The following PRRT4 variants were observed in gnomAD, a reference collection of about 807,000 sequenced individuals.
PRRT4 encodes proline-rich transmembrane protein 4.
PRRT4 carries 59 observed loss-of-function variants against 55.6 expected under a neutral mutation model. That is an observed-to-expected ratio of 1.06 (90% CI 0.86 to 1.32). PRRT4 has a LOEUF of 1.32. Among genes scored for constraint, PRRT4 ranks in the 40% most tolerant of loss-of-function variants. PRRT4 has a pLI of 0.00. For synonymous variants in PRRT4, 606 were observed against 601.8 expected, an observed-to-expected ratio of 1.01 and a Z score of -0.10; for missense variants, 1,217 against 1,222.0, an observed-to-expected ratio of 1.00 and a Z score of 0.06.
exon 5 of PRRT4, chr7:128,351,427 G>A (rs1796963605): frequency 1.3e-6 from 2 of 1,528,244 alleles, no homozygotes; most frequent in Non-Finnish European, 1.8e-6. Flanking sequence ...GCAGGGAGAG[G>A]AAGCCGGGGA....
chr7:128,359,592 G>C (rs766801176), exon 2 of PRRT4: 1 of 1,512,740 alleles, frequency 6.6e-7, no homozygotes, highest in Admixed American at 2.2e-5. Context: ...CCAGAGCGCC[G>C]GGATGTGGAC....
At chr7:128,360,506 C>T (rs1013890823) in intron 1 of PRRT4, among the ~76,000 whole-genome samples, 5 of 152,230 alleles carry the variant, frequency 3.3e-5, no homozygotes, top group Non-Finnish European at 5.9e-5. Flanking sequence ...CCCCACCTCC[C>T]GCCCCAGCCA....
exon 2 of PRRT4, chr7:128,359,777 G>A: frequency 6.5e-7 from 1 of 1,543,098 alleles, no homozygotes; most frequent in South Asian, 1.2e-5. Context: ...CTGGGTCTCT[G>A]TGACTGGGCT....
rs1797012155 is a variant in PRRT4 at position 128,352,496 on chromosome 7, C to CT, written c.1059dup (p.Glu354ArgfsTer225). On this transcript the variant is annotated frameshift_variant, in exon 5 of 5. Coordinates refer to ENST00000535159, the Ensembl canonical transcript of PRRT4. LOFTEE classifies it high-confidence loss of function. ...GCCAGCCCCCAGCGAGCCCTGGCCT[C>CT]TGCCCAGTCGGCCTCCAGGGTCAGG... 1.3e-6 allele frequency: 2 copies of CT among 1,541,550 alleles called. No homozygotes were observed. The highest frequency in any genetic ancestry group is 1.7e-6 in the Non-Finnish European group (2 of 1,146,840).
At chr7:128,352,859 T>C (rs540677781) in intron 4 of PRRT4, among the ~76,000 whole-genome samples, 181 bp from the exon 6 acceptor site, 42 of 152,140 alleles carry the variant, frequency 2.8e-4, no homozygotes, top group African/African-American at 9.9e-4. Context: ...CCCTATTCAA[T>C]GTCTTCGCTG....
chr7:128,352,582 C>G (rs778769686), exon 5 of PRRT4: 1 of 1,544,144 alleles, frequency 6.5e-7, no homozygotes, highest in Non-Finnish European at 8.7e-7. Context: ...TTCTCCCACG[C>G]TGCAGGACCC....
At chr7:128,356,317 G>A (rs567440262) in intron 4 of PRRT4, among the ~76,000 whole-genome samples, 1 of 151,940 alleles carries the variant, frequency 6.6e-6, no homozygotes, top group Non-Finnish European at 1.5e-5. Context: ...CCAGATAATA[G>A]GCAAAGTACA....
At chr7:128,352,433 C>A in exon 5 of PRRT4, 1 of 1,537,478 alleles carries the variant, frequency 6.5e-7, no homozygotes, top group Non-Finnish European at 8.7e-7. Context: ...GCAACCAGGC[C>A]GAAGAGCGCG....
upstream of PRRT4, chr7:128,361,736 T>TCCTCCG (rs1440748004): frequency 1.3e-5 from 2 of 151,756 alleles, no homozygotes; most frequent in African/African-American, 4.9e-5. Context: ...CCCTCTCTCC[T>TCCTCCG]CCTCCTCCTC....
At position 128,351,564 on chromosome 7, in the gene PRRT4, C is replaced by T; in HGVS notation, c.1992G>A (p.Gly664=). 6 of 1,498,188 alleles carry T rather than the reference C, an allele frequency of 4.0e-6. 1 individual carries two copies. Among genetic ancestry groups the T allele is most frequent in the African/African-American group, 1.4e-5 (1 of 70,362 alleles). 92.8% of individuals were successfully genotyped at this position (1,498,188 alleles called of 1,614,324 possible). Reference sequence around the variant, plus strand: ...CCGCGTCCCCGCGAGCGATGGCGCTCCCCAGGGGCTCCTTGTCTGGGGGCC... The same window carrying T: ...CCGCGTCCCCGCGAGCGATGGCGCTTCCCAGGGGCTCCTTGTCTGGGGGCC... Residue 664 remains glycine, a synonymous_variant, in exon 5 of 5, where the codon GGG becomes GGA. Coordinates refer to ENST00000535159, the Ensembl canonical transcript of PRRT4.
intron 1 of PRRT4, 69 bp from the exon 3 acceptor site, chr7:128,360,132 C>G: frequency 1.6e-6 from 1 of 620,304 alleles, no homozygotes; most frequent in East Asian, 3.4e-5. Context: ...GATCGGATGT[C>G]CCAGAGAGAG....
exon 5 of PRRT4, chr7:128,351,695 A>G: frequency 1.3e-6 from 2 of 1,505,442 alleles, no homozygotes; most frequent in Non-Finnish European, 1.8e-6. Flanking sequence ...AGCGCCGGGT[A>G]GAGGCCCAGC....
At chr7:128,351,879 G>A in exon 5 of PRRT4, 2 of 1,328,322 alleles carry the variant, frequency 1.5e-6, no homozygotes, top group Non-Finnish European at 1.9e-6. Context: ...CCGGGGCCGT[G>A]CGCGCCGCGC....
At chr7:128,353,077 G>A (rs1797036899) in intron 4 of PRRT4, among the ~76,000 whole-genome samples, 2 of 151,958 alleles carry the variant, frequency 1.3e-5, no homozygotes, top group Admixed American at 1.3e-4. Flanking sequence ...GGGGATTTTT[G>A]TTTCTTTGCT....
intron 4 of PRRT4, among the ~76,000 whole-genome samples, chr7:128,353,814 A>G (rs546158357): frequency 5.4e-4 from 82 of 152,324 alleles, no homozygotes; most frequent in African/African-American, 2.0e-3. Flanking sequence ...GGGGTTTGCT[A>G]TCTTGGGTCC....
intron 1 of PRRT4, among the ~76,000 whole-genome samples, chr7:128,361,066 G>T (rs1462547762): frequency 7.9e-6 from 1 of 126,790 alleles, no homozygotes; most frequent in Admixed American, 7.9e-5. Context: ...GTGAGCCCCC[G>T]GCCTCCCCTG....
chr7:128,359,808 C>A lies in PRRT4; in HGVS notation c.184G>T (p.Gly62Ter). Residue 62 changes from glycine (G) to a stop codon, truncating the protein, a stop_gained, in exon 2 of 5, where the codon GGA (glycine) becomes TGA (stop). Transcript: ENST00000535159. LOFTEE classifies it high-confidence loss of function. ...GGGCTCCCCCAGACAGCAGCAGGTC[C>A]CCGAAGATGGAATTTGAAGTTAAGT... 1.3e-6 allele frequency: 2 copies of A among 1,522,558 alleles called. No individual in the cohort carries two copies. The highest frequency in any genetic ancestry group is 1.8e-6 in the Non-Finnish European group (2 of 1,131,612). The allele number at this position is 1,522,558 out of a possible 1,614,324, so 94.3% of individuals were successfully genotyped here.
chr7:128,360,134 CAG>C (rs1797213809), intron 1 of PRRT4, 71 bp from the exon 3 acceptor site: 2 of 588,898 alleles, frequency 3.4e-6, no homozygotes, highest in Non-Finnish European at 5.0e-6. Context: ...TCGGATGTCC[CAG>C]AGAGAGGCTT....
chr7:128,361,778 TCC>T (rs958634073), upstream of PRRT4: 38 of 152,338 alleles, frequency 2.5e-4, no homozygotes, highest in Admixed American at 2.1e-3. Context: ...CCACCCGCGG[TCC>T]CCCCACACCC....
Sources: allele counts gnomAD v4.1 joint callset (sites outside exome capture counted in the v4.1 genomes callset), GRCh38; gene constraint gnomAD v4.1.1; transcripts MANE v1.5; gene names NCBI Gene and HGNC (gene_info 2026-07-23, HGNC 2026-07-21).